Variants in LIPA observed in about 807,000 individuals in gnomAD.
LIPA encodes the protein lysosomal acid lipase/cholesteryl ester hydrolase.
Under a neutral mutation model 40.6 loss-of-function variants are expected in LIPA, and 26 were observed. The observed-to-expected ratio is 0.64, with a 90% CI of 0.47 to 0.89. The LOEUF (loss-of-function observed/expected upper bound fraction) is 0.89. Ranked by LOEUF, LIPA falls within the 40% of genes least tolerant of loss-of-function variation. The probability of loss-of-function intolerance (pLI) is 0.00; values close to 1 mark genes in which losing one functional copy is unlikely to be tolerated. For synonymous variants in LIPA, 188 were observed against 168.4 expected (o/e 1.12, Z -0.90); for missense variants, 455 against 479.6 (o/e 0.95, Z 0.48).
At chr10:89,371,802 T>C (rs1844092968) in intron 2 of LIPA, among the ~76,000 whole-genome samples, 1 of 152,236 alleles carries the variant, frequency 6.6e-6, no homozygotes, top group African/African-American at 2.4e-5. Context: ...AGGAATAACA[T>C]GGGTGTTGAT....
At chr10:89,355,174 G>A (rs1843982625) in intron 2 of LIPA, among the ~76,000 whole-genome samples, 1 of 152,200 alleles carries the variant, frequency 6.6e-6, no homozygotes, top group African/African-American at 2.4e-5. Flanking sequence ...AAACTTTTAT[G>A]TCTGCCCCCT....
At chr10:89,333,548 G>A (rs893153367) in intron 1 of LIPA, among the ~76,000 whole-genome samples, 1 of 152,120 alleles carries the variant, frequency 6.6e-6, no homozygotes, top group African/African-American at 2.4e-5. Context: ...ATAAAGCAAA[G>A]CTTGTTTCTG....
chr10:89,243,971 G>A (rs1842993753), intron 3 of LIPA, among the ~76,000 whole-genome samples: 2 of 152,082 alleles, frequency 1.3e-5, no homozygotes, highest in African/African-American at 2.4e-5. Flanking sequence ...GTATACAGGG[G>A]TTATTCTTTG....
At chr10:89,291,925 A>C (rs940896264) in intron 1 of LIPA, 3 of 152,212 alleles carry the variant, frequency 2.0e-5, no homozygotes, top group African/African-American at 7.2e-5. Context: ...AATGTGATGT[A>C]TGTCATTTCC....
chr10:89,286,354 C>A (rs977949287), intron 1 of LIPA, among the ~76,000 whole-genome samples: 1 of 152,014 alleles, frequency 6.6e-6, no homozygotes, highest in Non-Finnish European at 1.5e-5. Context: ...CTAGCCAGGC[C>A]GAGCCAGTTC....
intron 2 of LIPA, among the ~76,000 whole-genome samples, chr10:89,376,187 TAAAAAAAAAAA>T (rs66954730): frequency 2.0e-5 from 2 of 102,550 alleles, no homozygotes; most frequent in Non-Finnish European, 3.7e-5. Flanking sequence ...GACTCTATCT[TAAAAAAAAAAA>T]AAAAAAAAAA....
At chr10:89,258,708 C>A (rs765094238) in intron 1 of LIPA, among the ~76,000 whole-genome samples, 2 of 152,026 alleles carry the variant, frequency 1.3e-5, no homozygotes, top group Non-Finnish European at 2.9e-5. Flanking sequence ...CAAGTATATA[C>A]CCAGTAGAAA....
At chr10:89,386,593 A>G (rs946150331) in intron 2 of LIPA, among the ~76,000 whole-genome samples, 1 of 152,218 alleles carries the variant, frequency 6.6e-6, no homozygotes, top group African/African-American at 2.4e-5. Flanking sequence ...ATCTGAGGAC[A>G]TATCTCTACT....
intron 1 of LIPA, among the ~76,000 whole-genome samples, chr10:89,315,250 T>C (rs1049024480): frequency 2.0e-5 from 3 of 152,232 alleles, no homozygotes; most frequent in Non-Finnish European, 4.4e-5. Flanking sequence ...ATCACAAATA[T>C]ATGTACCTTT....
At chr10:89,307,328 G>A (rs1372316957) in intron 1 of LIPA, 2 of 1,612,492 alleles carry the variant, frequency 1.2e-6, no homozygotes, top group Non-Finnish European at 1.7e-6. Flanking sequence ...GAGGGGTTTG[G>A]AGTCTGGAAG....
chr10:89,413,229 T>G (rs1841490886), intron 1 of LIPA, among the ~76,000 whole-genome samples: 1 of 152,266 alleles, frequency 6.6e-6, no homozygotes, highest in African/African-American at 2.4e-5. Context: ...TTATTCCAAA[T>G]GTAAGTTTTC....
At chr10:89,244,619 G>C (rs1843002099) in intron 3 of LIPA, among the ~76,000 whole-genome samples, 1 of 152,094 alleles carries the variant, frequency 6.6e-6, no homozygotes, top group Middle Eastern at 3.2e-3. Flanking sequence ...CATCTGGAGA[G>C]ATAATTGAAT....
intron 2 of LIPA, among the ~76,000 whole-genome samples, chr10:89,374,545 C>T (rs1270950400): frequency 3.3e-5 from 5 of 152,194 alleles, no homozygotes; most frequent in East Asian, 1.9e-4. Context: ...TTCTCTGACA[C>T]GCTGTTACTA....
intron 1 of LIPA, chr10:89,284,430 C>T (rs1246925941): frequency 6.6e-6 from 1 of 152,216 alleles, no homozygotes; most frequent in African/African-American, 2.4e-5. Context: ...AGCATCTACA[C>T]CTCTGAGGCC....
rs552588648 is a variant in LIPA, at chr10:89,243,604, A to G, written c.229+2072T>C. Among the ~76,000 whole-genome samples, 496 of 149,414 alleles carry G rather than the reference A, an allele frequency of 3.3e-3. 1 individual carries two copies. The highest frequency in any genetic ancestry group is 0.012 in the African/African-American group (470 of 40,554). ...ATCCCACAGAGGTTAAAAAAAAAAAAGAAAAAACAAAGCACACAAGAAGTC... is the reference window on the plus strand; with the variant it reads ...ATCCCACAGAGGTTAAAAAAAAAAAGGAAAAAACAAAGCACACAAGAAGTC... On this transcript the variant is annotated intron_variant, in intron 3 of 9. Coordinates refer to ENST00000336233, the MANE Select transcript of LIPA (RefSeq NM_000235.4).
intron 2 of LIPA, among the ~76,000 whole-genome samples, chr10:89,407,149 C>T (rs879873771): frequency 1.4e-4 from 22 of 152,100 alleles, no homozygotes; most frequent in Non-Finnish European, 2.8e-4. Flanking sequence ...GAAAGCCATT[C>T]AGCTCTGGGG....
intron 2 of LIPA, among the ~76,000 whole-genome samples, chr10:89,389,660 T>C (rs1336705301): frequency 2.0e-5 from 3 of 152,250 alleles, no homozygotes; most frequent in Admixed American, 6.5e-5. Context: ...TCAGCAGAAA[T>C]GGCTTAGCAT....
intron 1 of LIPA, among the ~76,000 whole-genome samples, chr10:89,335,009 C>CACAGCCACAGGAGG (rs1843713421): frequency 6.6e-6 from 1 of 152,038 alleles, no homozygotes; most frequent in Non-Finnish European, 1.5e-5. Context: ...TAATGAAAAC[C>CACAGCCACAGGAGG]TCCTGACCTG....
chr10:89,392,810 T>G, intron 2 of LIPA: 2 of 1,331,122 alleles, frequency 1.5e-6, no homozygotes, highest in South Asian at 2.4e-5. Flanking sequence ...CTCAGTGAGG[T>G]CAGGTTTTCT....
Sources: allele counts gnomAD v4.1 joint callset (sites outside exome capture counted in the v4.1 genomes callset), GRCh38; gene constraint gnomAD v4.1.1; transcripts MANE v1.5; gene names NCBI Gene and HGNC (gene_info 2026-07-23, HGNC 2026-07-21).